The following INTS7 variants were observed in gnomAD, a reference collection of about 807,000 sequenced individuals.
The protein encoded by INTS7 is chromosome 1 open reading frame 73.
INTS7 carries 46 observed loss-of-function variants against 109.2 expected under a neutral mutation model. That is an observed-to-expected ratio of 0.42 (90% CI 0.33 to 0.54). The LOEUF is 0.54. INTS7 is among the 20% of genes least tolerant of loss of function. The pLI is 0.07. For missense variants in INTS7, 929 were observed against 1,132.4 expected, an observed-to-expected ratio of 0.82 and a Z score of 2.58; for synonymous variants, 412 against 402.9, an observed-to-expected ratio of 1.02 and a Z score of -0.27.
At chr1:211,950,021 G>T (rs976722976) in intron 17 of INTS7, among the ~76,000 whole-genome samples, 5 of 152,166 alleles carry the variant, frequency 3.3e-5, no homozygotes, top group African/African-American at 1.2e-4. Flanking sequence ...CTTTTGATGT[G>T]AACTACTCTC....
chr1:211,973,933 G>A (rs1221939334), intron 13 of INTS7, among the ~76,000 whole-genome samples: 1 of 152,054 alleles, frequency 6.6e-6, no homozygotes. Context: ...CTAAGACAAG[G>A]TCTCCTCTCT....
chr1:211,979,795 T>G (rs1487083168), intron 10 of INTS7, among the ~76,000 whole-genome samples: 1 of 152,232 alleles, frequency 6.6e-6, no homozygotes, highest in African/African-American at 2.4e-5. Flanking sequence ...GTAATTCGAT[T>G]CCATCTTTCA....
intron 1 of INTS7, among the ~76,000 whole-genome samples, chr1:212,024,519 A>T (rs1666838556): frequency 6.6e-6 from 1 of 152,214 alleles, no homozygotes; most frequent in Non-Finnish European, 1.5e-5. Flanking sequence ...TCAGCTATTT[A>T]TCCAAATGAA....
chr1:211,975,004 A>G lies in INTS7; in HGVS notation c.1815+162T>C, dbSNP rs138554258. On this transcript the variant is annotated intron_variant, in intron 13 of 19. Coordinates refer to ENST00000366994, the MANE Select transcript of INTS7 (RefSeq NM_015434.4). The stretch of plus-strand genomic sequence containing the variant: ...ACAAGAAAGTGATAAACTTTTATCA[A>G]TCTAAGAATGTTAAAAAGGGGAAAA... Among the ~76,000 whole-genome samples the G allele has an allele frequency of 2.4e-4, 37 of 152,332 alleles. 1 individual carries two copies. Among genetic ancestry groups the G allele is most frequent in the East Asian group, 1.3e-3 (7 of 5,188 alleles).
intron 9 of INTS7, among the ~76,000 whole-genome samples, chr1:211,981,698 A>C (rs1195410911): frequency 6.6e-6 from 1 of 152,176 alleles, no homozygotes; most frequent in Non-Finnish European, 1.5e-5. Flanking sequence ...AACCTCTTAG[A>C]TGTCTCATGA....
intron 13 of INTS7, among the ~76,000 whole-genome samples, chr1:211,974,089 T>G (rs934686809): frequency 6.6e-6 from 1 of 152,022 alleles, no homozygotes; most frequent in African/African-American, 2.4e-5. Context: ...TGCCTCACAC[T>G]GTTTTGTAAG....
intron 12 of INTS7, among the ~76,000 whole-genome samples, chr1:211,975,573 C>T (rs1664384055): frequency 1.3e-5 from 2 of 152,108 alleles, no homozygotes; most frequent in African/African-American, 4.8e-5. Context: ...TTTTATGTAA[C>T]ATAATGCTTG....
intron 7 of INTS7, among the ~76,000 whole-genome samples, chr1:211,997,485 T>C (rs1256813353): frequency 7.3e-6 from 1 of 137,458 alleles, no homozygotes; most frequent in East Asian, 2.2e-4. Flanking sequence ...TGCACACCAT[T>C]GCACTCCAGC....
At chr1:212,006,791 A>G in intron 6 of INTS7, 30 bp from the exon 7 acceptor site, 1 of 1,546,094 alleles carries the variant, frequency 6.5e-7, no homozygotes, top group South Asian at 1.2e-5. Flanking sequence ...CTCCATAAAC[A>G]ATACTGTAAC....
At chr1:211,997,194 AAAAAC>A (rs1184072293) in intron 7 of INTS7, among the ~76,000 whole-genome samples, 5 of 152,096 alleles carry the variant, frequency 3.3e-5, no homozygotes, top group Non-Finnish European at 4.4e-5. Context: ...AACCTATGGA[AAAAAC>A]AAAACAAAAC....
intron 17 of INTS7, among the ~76,000 whole-genome samples, chr1:211,951,241 A>G (rs1316265088): frequency 6.6e-6 from 1 of 151,978 alleles, no homozygotes; most frequent in Non-Finnish European, 1.5e-5. Context: ...GGAAGCTGCA[A>G]CCCCCAAGGT....
At chr1:211,952,508 A>C in intron 17 of INTS7, 61 bp downstream of exon 17, 1 of 1,552,590 alleles carries the variant, frequency 6.4e-7, no homozygotes, top group Non-Finnish European at 8.8e-7. Flanking sequence ...AGTAAGTGCC[A>C]TAAATGTATG....
intron 16 of INTS7, among the ~76,000 whole-genome samples, chr1:211,960,560 A>G (rs1044825388): frequency 6.6e-6 from 1 of 152,222 alleles, no homozygotes; most frequent in Non-Finnish European, 1.5e-5. Flanking sequence ...TAAGAAGCAC[A>G]ATAAAATTAT....
chr1:212,022,128 T>A (rs1666737265), intron 1 of INTS7, among the ~76,000 whole-genome samples: 1 of 152,168 alleles, frequency 6.6e-6, no homozygotes, highest in Non-Finnish European at 1.5e-5. Context: ...AGAATCAACC[T>A]CCACCCTTAA....
intron 7 of INTS7, among the ~76,000 whole-genome samples, chr1:212,001,055 GC>G (rs1665645916): frequency 1.4e-5 from 2 of 146,008 alleles, no homozygotes; most frequent in Non-Finnish European, 3.0e-5. Flanking sequence ...TCCCTTGAGG[GC>G]AGAATTCCTT....
At chr1:212,015,104 C>T (rs1450214918) in intron 4 of INTS7, among the ~76,000 whole-genome samples, 2 of 142,466 alleles carry the variant, frequency 1.4e-5, no homozygotes, top group Admixed American at 6.7e-5. Context: ...GGCCCCCGCC[C>T]GGGCAGCCGC....
chr1:212,026,079 G>A (rs1666906200), intron 1 of INTS7, among the ~76,000 whole-genome samples: 1 of 152,086 alleles, frequency 6.6e-6, no homozygotes, highest in Non-Finnish European at 1.5e-5. Flanking sequence ...AACTCGGGAG[G>A]CGGAGGTTGC....
chr1:211,978,320 CAGCTCCATG>C lies in INTS7; in HGVS notation c.1413_1421del (p.Met472_Leu474del), dbSNP rs772438945. ...TGGCTGATCGTCCAATCACCTTGTA[CAGCTCCATG>C]AGGTCACCAAGCATCCCATCACCCA... is the stretch of plus-strand genomic sequence containing the variant. On this transcript the variant is annotated inframe_deletion, in exon 11 of 20. Coordinates refer to ENST00000366994, the MANE Select transcript of INTS7 (RefSeq NM_015434.4). 1.2e-6 allele frequency: 2 copies of C among 1,614,082 alleles called. No homozygotes were observed. Among genetic ancestry groups the C allele is most frequent in the African/African-American group, 2.7e-5 (2 of 74,926 alleles).
Position 211,983,374 on chromosome 1 carries a change from C to A in INTS7, c.998-564G>T, listed in dbSNP as rs149018217. Among the ~76,000 whole-genome samples the A allele has an allele frequency of 5.7e-3, 870 of 152,198 alleles. 6 individuals are homozygous for A. Among genetic ancestry groups the A allele is most frequent in the African/African-American group, 0.019 (805 of 41,542 alleles). The stretch of plus-strand genomic sequence containing the variant: ...ATTTTAAGAATCTTGCCATTAAGTT[C>A]ATAAAACTTATCAGTCATGTTCTAA... On this transcript the variant is annotated intron_variant, in intron 8 of 19. Coordinates refer to ENST00000366994, the MANE Select transcript of INTS7 (RefSeq NM_015434.4).
Sources: gnomAD v4.1 joint callset for allele counts (sites outside exome capture counted in the v4.1 genomes callset) on GRCh38, gnomAD v4.1.1 for gene constraint, MANE v1.5 for transcripts, NCBI Gene and HGNC (gene_info 2026-07-23, HGNC 2026-07-21) for gene names.